Variants in THUMPD2 observed in about 807,000 individuals in gnomAD.
The protein encoded by THUMPD2 is U6 snRNA (guanine-N(2))-methyltransferase THUMPD2.
Under a neutral mutation model 49.4 loss-of-function variants are expected in THUMPD2, and 56 were observed. The observed-to-expected ratio is 1.13, with a 90% CI of 0.91 to 1.41. The LOEUF is 1.41. Among genes scored for constraint, THUMPD2 ranks in the 40% most tolerant of loss-of-function variants. The pLI is 0.00. For synonymous variants in THUMPD2, 237 were observed against 205.2 expected (o/e 1.15, Z -1.32); for missense variants, 709 against 594.5 (o/e 1.19, Z -2.00).
At chr2:39,769,563 G>T in intron 3 of THUMPD2, 147 bp downstream of exon 3, 1 of 682,588 alleles carries the variant, frequency 1.5e-6, no homozygotes. Context: ...TTAGCTGGGT[G>T]TGGTGACGCA....
intron 1 of THUMPD2, among the ~76,000 whole-genome samples, chr2:39,776,697 G>C (rs1435125656): frequency 2.0e-5 from 3 of 151,960 alleles, no homozygotes; most frequent in Non-Finnish European, 2.9e-5. Context: ...GGCTGGATTC[G>C]GCATACTATT....
rs1489733640 is a variant in THUMPD2 at position 39,736,805 on chromosome 2, T to TAAC, written c.1441_1442insGTT (p.Cys480dup). 4.3e-6 allele frequency: 7 copies of TAAC among 1,614,094 alleles called. No homozygotes were observed. The African/African-American group carries it at 9.3e-5, about 22-fold the overall frequency. On this transcript the variant is annotated inframe_insertion, in exon 10 of 10. Transcript: ENST00000505747. ...ATCTGTCTTTCCAAGGCTAACTTTG[T>TAAC]AGCATTCCACTGGTACCAAGGAGCC...
intron 3 of THUMPD2, chr2:39,768,885 G>A: frequency 7.7e-7 from 1 of 1,295,744 alleles, no homozygotes; most frequent in Non-Finnish European, 1.0e-6. Context: ...TATCAGATTA[G>A]TATCATTAGA....
At chr2:39,753,637 C>T (rs1675722041) in intron 8 of THUMPD2, among the ~76,000 whole-genome samples, 1 of 152,166 alleles carries the variant, frequency 6.6e-6, no homozygotes. Context: ...TCCGTCTTCC[C>T]CATCTCAGTA....
chr2:39,757,794 C>T (rs558259562), intron 6 of THUMPD2, among the ~76,000 whole-genome samples: 25 of 152,254 alleles, frequency 1.6e-4, no homozygotes, highest in South Asian at 6.2e-4. Flanking sequence ...TGATAAATAA[C>T]AAACATCCCA....
intron 1 of THUMPD2, 68 bp downstream of exon 1, chr2:39,779,046 A>T (rs760539556): frequency 1.1e-5 from 15 of 1,382,722 alleles, no homozygotes; most frequent in Non-Finnish European, 1.3e-5. Flanking sequence ...CGCGTCCACG[A>T]CTGGGGTGGG....
At chr2:39,753,483 A>T (rs920893917) in intron 8 of THUMPD2, among the ~76,000 whole-genome samples, 2 of 152,088 alleles carry the variant, frequency 1.3e-5, no homozygotes, top group Non-Finnish European at 2.9e-5. Flanking sequence ...CATGAAACTA[A>T]ATGTTCTCTA....
rs533034227 is a variant in THUMPD2 at position 39,761,719 on chromosome 2, C to T, written c.804-301G>A. 3.3e-5 allele frequency among the ~76,000 whole-genome samples: 5 copies of T among 152,170 alleles called. No individual in the cohort carries two copies. In the East Asian group the frequency reaches 9.6e-4, roughly 29 times the overall value. On this transcript the variant is annotated intron_variant, in intron 5 of 9. Transcript: ENST00000505747. ...ATGAGGAAAATCTTTCTTATACTTC[C>T]CTGTCTTCCCATACAGAGTAGACCT...
intron 1 of THUMPD2, among the ~76,000 whole-genome samples, chr2:39,777,890 A>G (rs547501991): frequency 6.6e-6 from 1 of 152,258 alleles, no homozygotes; most frequent in South Asian, 2.1e-4. Flanking sequence ...CCTACATATT[A>G]ATTGGGCCAA....
At chr2:39,739,144 A>G (rs1459301528) in intron 9 of THUMPD2, among the ~76,000 whole-genome samples, 2 of 152,180 alleles carry the variant, frequency 1.3e-5, no homozygotes, top group Non-Finnish European at 2.9e-5. Flanking sequence ...GTTTCCACAC[A>G]GAAGACAAAT....
Position 39,736,673 on chromosome 2 carries a change from G to A in THUMPD2, c.*62C>T, listed in dbSNP as rs1336781417. ...GGGTGCTATATGAATCCTAGAGACA[G>A]CAAACTTCTGCTGTACAGCTAACTT... On this transcript the variant is annotated 3_prime_UTR_variant, in exon 10 of 10. Transcript: ENST00000505747. The A allele has an allele frequency of 6.8e-7, 1 of 1,463,862 alleles. No homozygotes were observed. 90.7% of individuals were successfully genotyped at this position (1,463,862 alleles called of 1,614,324 possible).
chr2:39,774,615 A>G (rs906737465), intron 1 of THUMPD2, among the ~76,000 whole-genome samples: 1 of 152,220 alleles, frequency 6.6e-6, no homozygotes, highest in African/African-American at 2.4e-5. Context: ...GATAGGTATG[A>G]TACCTTAAAA....
chr2:39,771,668 T>C, intron 1 of THUMPD2, 28 bp from the exon 2 acceptor site: 3 of 1,580,760 alleles, frequency 1.9e-6, no homozygotes, highest in Non-Finnish European at 2.6e-6. Context: ...GCTTTTAATG[T>C]AGTCCAGTGT....
chr2:39,772,412 G>C (rs1440886794), intron 1 of THUMPD2, among the ~76,000 whole-genome samples: 3 of 152,120 alleles, frequency 2.0e-5, no homozygotes, highest in Admixed American at 1.3e-4. Flanking sequence ...CTCCAGAAGA[G>C]GCATAAAGGA....
intron 8 of THUMPD2, among the ~76,000 whole-genome samples, chr2:39,753,182 T>C (rs6758453): frequency 0.62 from 93,555 of 151,938 alleles, 28,990 homozygotes; most frequent in East Asian, 0.76. Flanking sequence ...TTAGCCAAAC[T>C]GCTCAAGAAA....
At chr2:39,741,467 C>G (rs1673888211) in intron 9 of THUMPD2, among the ~76,000 whole-genome samples, 1 of 152,144 alleles carries the variant, frequency 6.6e-6, no homozygotes, top group Non-Finnish European at 1.5e-5. Flanking sequence ...TTCCTGAAAC[C>G]ATCTCAAGCC....
chr2:39,776,378 A>G (rs746315003), intron 1 of THUMPD2, among the ~76,000 whole-genome samples: 2 of 150,078 alleles, frequency 1.3e-5, no homozygotes, highest in Admixed American at 6.8e-5. Flanking sequence ...ACTACACCAT[A>G]GAGACTCAGT....
chr2:39,768,749 G>C (rs111618881), intron 3 of THUMPD2: 10 of 700,694 alleles, frequency 1.4e-5, no homozygotes, highest in African/African-American at 5.4e-5. Context: ...CTCTATCCTT[G>C]TAATTTTAGG....
chr2:39,767,727 T>C (rs1677745364), intron 4 of THUMPD2, among the ~76,000 whole-genome samples: 2 of 152,084 alleles, frequency 1.3e-5, no homozygotes, highest in African/African-American at 4.8e-5. Flanking sequence ...CCAGGTATTA[T>C]TTTTTTAAAG....
Sources: gnomAD v4.1 joint callset for allele counts (sites outside exome capture counted in the v4.1 genomes callset) on GRCh38, gnomAD v4.1.1 for gene constraint, MANE v1.5 for transcripts, NCBI Gene and HGNC (gene_info 2026-07-23, HGNC 2026-07-21) for gene names.